Variants in ARFIP1 observed in about 807,000 individuals in gnomAD.
The protein encoded by ARFIP1 is arfaptin-1.
ARFIP1 carries 24 observed loss-of-function variants against 42.5 expected under a neutral mutation model. The ratio of observed to expected loss-of-function variants is 0.57; its 90% CI spans 0.41 to 0.80. The LOEUF is 0.80. Among genes scored for constraint, ARFIP1 ranks in the 30% least tolerant of loss-of-function variants. The probability of loss-of-function intolerance (pLI) is 0.00; values close to 1 mark genes in which losing one functional copy is unlikely to be tolerated. For synonymous variants in ARFIP1, 141 were observed against 153.7 expected (o/e 0.92, Z 0.61); for missense variants, 354 against 434.0 (o/e 0.82, Z 1.64).
intron 3 of ARFIP1, among the ~76,000 whole-genome samples, chr4:152,866,500 AC>A (rs1186110201): frequency 1.4e-5 from 2 of 139,364 alleles, no homozygotes; most frequent in East Asian, 2.3e-4. Context: ...GCGGGGGCTG[AC>A]CCCCCCACCT....
chr4:152,881,703 T>A (rs1735860600), intron 6 of ARFIP1, among the ~76,000 whole-genome samples: 1 of 152,144 alleles, frequency 6.6e-6, no homozygotes, highest in South Asian at 2.1e-4. Flanking sequence ...CAAATCAAGG[T>A]CTATAATATT....
In ARFIP1 at chr4:152,858,081, CATGAGTTT is replaced by C. The variant is rs1733584678; in HGVS notation, c.94-5524_94-5517del. ...CTGAGACGGGCGAATCACTTGAGTTCATGAGTTTGAGACCAGCTGGGGCAACATGGCGA... is the reference window on the plus strand; with the variant it reads ...CTGAGACGGGCGAATCACTTGAGTTCGAGACCAGCTGGGGCAACATGGCGA... On this transcript the variant is annotated intron_variant, in intron 2 of 8. Coordinates refer to ENST00000353617, the MANE Select transcript of ARFIP1 (RefSeq NM_001025595.3). Among the ~76,000 whole-genome samples, 5 of 152,294 alleles carry C rather than the reference CATGAGTTT, an allele frequency of 3.3e-5. No individual in the cohort carries two copies. The South Asian group carries it at 1.0e-3, about 32-fold the overall frequency.
chr4:152,889,043 T>A (rs1178310804), intron 8 of ARFIP1, among the ~76,000 whole-genome samples: 1 of 152,158 alleles, frequency 6.6e-6, no homozygotes, highest in Non-Finnish European at 1.5e-5. Flanking sequence ...GGTCTCACCA[T>A]TGCACGTTGG....
chr4:152,902,187 T>G (rs1282943148), intron 8 of ARFIP1, among the ~76,000 whole-genome samples: 4 of 152,218 alleles, frequency 2.6e-5, no homozygotes, highest in Non-Finnish European at 5.9e-5. Context: ...ATTTTTTGTT[T>G]TTCAACTGTA....
rs1340408027 is a variant in ARFIP1 at position 152,878,802 on chromosome 4, A to G, written c.412-2161A>G. Among the ~76,000 whole-genome samples the G allele has an allele frequency of 2.0e-5, 3 of 152,238 alleles. No homozygotes were observed. In the South Asian group the frequency reaches 6.2e-4, roughly 32 times the overall value. On this transcript the variant is annotated intron_variant, in intron 5 of 8. Coordinates refer to ENST00000353617, the MANE Select transcript of ARFIP1 (RefSeq NM_001025595.3). ...ATTTCTCTCACTGTGCTAAGAAACA[A>G]TCCTTCTTCAATGAATTCTGACTTA...
intron 1 of ARFIP1, among the ~76,000 whole-genome samples, chr4:152,824,636 A>G (rs1437285799): frequency 3.9e-5 from 6 of 152,352 alleles, no homozygotes; most frequent in Admixed American, 2.0e-4. Flanking sequence ...GAACAAGGGA[A>G]GCATGCCCGC....
intron 2 of ARFIP1, among the ~76,000 whole-genome samples, chr4:152,832,746 G>C (rs543126790): frequency 6.6e-6 from 1 of 152,166 alleles, no homozygotes; most frequent in South Asian, 2.1e-4. Flanking sequence ...ATTAGTTTTT[G>C]TGTATGATGT....
At chr4:152,801,557 A>T (rs1728421864) in intron 1 of ARFIP1, among the ~76,000 whole-genome samples, 1 of 152,196 alleles carries the variant, frequency 6.6e-6, no homozygotes, top group East Asian at 1.9e-4. Flanking sequence ...ATTCATTTAT[A>T]ATAATAGGTT....
intron 8 of ARFIP1, 55 bp downstream of exon 8, chr4:152,888,362 GAGAT>G (rs1736445213): frequency 8.0e-7 from 1 of 1,255,844 alleles, no homozygotes; most frequent in Non-Finnish European, 1.1e-6. Flanking sequence ...ACCCTAAAGA[GAGAT>G]AGTCAGTTTT....
intron 1 of ARFIP1, among the ~76,000 whole-genome samples, chr4:152,791,602 G>A (rs977109117): frequency 3.9e-5 from 6 of 152,004 alleles, no homozygotes; most frequent in Admixed American, 2.0e-4. Context: ...TTGTAAAGAC[G>A]TAAATACAGA....
intron 2 of ARFIP1, among the ~76,000 whole-genome samples, chr4:152,835,432 C>T (rs1345997592): frequency 6.6e-6 from 1 of 152,214 alleles, no homozygotes; most frequent in Non-Finnish European, 1.5e-5. Flanking sequence ...AAGCTCTTTG[C>T]TAGGGTATAC....
In ARFIP1 at chr4:152,910,695, A is replaced by G. The variant is rs1440035840; in HGVS notation, c.*476A>G. 2.6e-5 allele frequency: 4 copies of G among 153,036 alleles called. No homozygotes were observed. The highest frequency in any genetic ancestry group is 5.8e-5 in the Non-Finnish European group (4 of 68,506). The allele number at this position is 153,036 out of a possible 1,614,324, so 9.5% of individuals were successfully genotyped here. A position where few individuals can be genotyped will look rare whatever the true frequency, so the allele number is the denominator to read the frequency against. ...AAAAAGAAACTATTTTGCAGAGTAAAGTTATATGGTGTTCCTGCAGCGTCC... is the reference window on the plus strand; with the variant it reads ...AAAAAGAAACTATTTTGCAGAGTAAGGTTATATGGTGTTCCTGCAGCGTCC... On this transcript the variant is annotated 3_prime_UTR_variant, in exon 9 of 9. Transcript: ENST00000353617.
intron 7 of ARFIP1, among the ~76,000 whole-genome samples, chr4:152,886,088 C>T (rs894075204): frequency 2.0e-4 from 30 of 151,992 alleles, no homozygotes; most frequent in Non-Finnish European, 1.0e-4. Context: ...TCAGTCTTGC[C>T]TCCTAAATCT....
At chr4:152,905,545 G>GCTTTTTTT (rs1554036969) in intron 8 of ARFIP1, among the ~76,000 whole-genome samples, 3 of 30,370 alleles carry the variant, frequency 9.9e-5, no homozygotes, top group African/African-American at 3.7e-4. Flanking sequence ...TGTAAGAATT[G>GCTTTTTTT]TTTTTTTTTT....
At chr4:152,853,905 C>CTTTTTTTT (rs36055484) in intron 2 of ARFIP1, among the ~76,000 whole-genome samples, 64 of 74,762 alleles carry the variant, frequency 8.6e-4, no homozygotes, top group East Asian at 1.3e-3. Context: ...TTCTGAGATT[C>CTTTTTTTT]TTTTTTTTTT....
intron 1 of ARFIP1, among the ~76,000 whole-genome samples, chr4:152,786,759 C>G (rs1375054476): frequency 6.6e-6 from 1 of 152,156 alleles, no homozygotes; most frequent in African/African-American, 2.4e-5. Flanking sequence ...CATCTTGTAC[C>G]ATGTTCTGCA....
chr4:152,902,338 C>T lies in ARFIP1; in HGVS notation c.967-7726C>T, dbSNP rs189974213. On this transcript the variant is annotated intron_variant, in intron 8 of 8. Coordinates refer to ENST00000353617, the MANE Select transcript of ARFIP1 (RefSeq NM_001025595.3). ...GTGACATAGAGAGACCCGGTCTCTA[C>T]GGAAAATAAAAAAGTTAGCCAGGTA... Among the ~76,000 whole-genome samples the T allele has an allele frequency of 4.3e-3, 648 of 152,152 alleles. 2 individuals are homozygous for T. Among genetic ancestry groups the T allele is most frequent in the Non-Finnish European group, 7.3e-3 (496 of 68,008 alleles).
intron 2 of ARFIP1, among the ~76,000 whole-genome samples, chr4:152,831,126 C>T (rs1731212923): frequency 6.6e-6 from 1 of 152,198 alleles, no homozygotes; most frequent in South Asian, 2.1e-4. Context: ...AAGTTAGCAT[C>T]ATTAGACTAT....
At chr4:152,831,956 T>A (rs1375891746) in intron 2 of ARFIP1, among the ~76,000 whole-genome samples, 1 of 142,308 alleles carries the variant, frequency 7.0e-6, no homozygotes, top group Non-Finnish European at 1.5e-5. Flanking sequence ...AGTATTTCAG[T>A]GTTTAAAATT....
Sources: allele counts gnomAD v4.1 joint callset (sites outside exome capture counted in the v4.1 genomes callset), GRCh38; gene constraint gnomAD v4.1.1; transcripts MANE v1.5; gene names NCBI Gene and HGNC (gene_info 2026-07-23, HGNC 2026-07-21).